C8orf34: variants seen among roughly 807,000 people sequenced by gnomAD.
C8orf34 encodes the protein chromosome 8 open reading frame 34.
Under a neutral mutation model 68.3 loss-of-function variants are expected in C8orf34, and 65 were observed. The ratio of observed to expected loss-of-function variants is 0.95; its 90% confidence interval spans 0.78 to 1.17. C8orf34 has a LOEUF of 1.17. C8orf34 is among the 50% of genes most tolerant of loss of function. C8orf34 has a pLI of 0.00. For synonymous variants in C8orf34, 244 were observed against 241.2 expected (o/e 1.01, Z -0.11); for missense variants, 664 against 655.4 (o/e 1.01, Z -0.14).
chr8:68,665,144 T>G (rs1160172413), intron 8 of C8orf34, among the ~76,000 whole-genome samples: 1 of 152,216 alleles, frequency 6.6e-6, no homozygotes, highest in African/African-American at 2.4e-5. Context: ...AAATTCACAT[T>G]TGTGTAATGA....
At chr8:68,368,605 G>A (rs1807419358) in intron 1 of C8orf34, among the ~76,000 whole-genome samples, 1 of 151,938 alleles carries the variant, frequency 6.6e-6, no homozygotes, top group Non-Finnish European at 1.5e-5. Flanking sequence ...TTTTGTGTTA[G>A]GTACCTTTAT....
chr8:68,461,570 C>A (rs1412994763), intron 3 of C8orf34, among the ~76,000 whole-genome samples: 24 of 152,124 alleles, frequency 1.6e-4, no homozygotes, highest in Admixed American at 1.6e-3. Context: ...AAAGGGGAGC[C>A]CATCAGACTA....
chr8:68,419,167 G>C (rs1809824075), intron 1 of C8orf34, among the ~76,000 whole-genome samples: 2 of 151,994 alleles, frequency 1.3e-5, no homozygotes, highest in Admixed American at 1.3e-4. Context: ...AGTGGGCGAA[G>C]GACATGAACA....
chr8:68,627,709 G>A (rs1445787755), intron 7 of C8orf34, among the ~76,000 whole-genome samples: 1 of 152,178 alleles, frequency 6.6e-6, no homozygotes, highest in Non-Finnish European at 1.5e-5. Context: ...ACCACTCCCA[G>A]ATGTCTTTAT....
chr8:68,333,535 C>T (rs1302746276), intron 1 of C8orf34, among the ~76,000 whole-genome samples: 1 of 152,118 alleles, frequency 6.6e-6, no homozygotes, highest in Non-Finnish European at 1.5e-5. Context: ...TACAATTATA[C>T]GTATTTCACA....
chr8:68,669,132 A>T (rs983623926), intron 8 of C8orf34, among the ~76,000 whole-genome samples: 5 of 152,174 alleles, frequency 3.3e-5, no homozygotes, highest in African/African-American at 1.2e-4. Context: ...CTCACCTTAA[A>T]TATCCATTTC....
intron 6 of C8orf34, among the ~76,000 whole-genome samples, chr8:68,526,432 A>C (rs1814991182): frequency 6.6e-6 from 1 of 152,136 alleles, no homozygotes; most frequent in Non-Finnish European, 1.5e-5. Context: ...AAAATCCTAG[A>C]CTCAAAGGAA....
At chr8:68,534,425 T>G (rs994887706) in intron 7 of C8orf34, 11 of 793,366 alleles carry the variant, frequency 1.4e-5, no homozygotes, top group Non-Finnish European at 1.7e-5. Context: ...AATAAAATCA[T>G]TGTGATCTGT....
intron 6 of C8orf34, among the ~76,000 whole-genome samples, chr8:68,526,152 G>T (rs1814977752): frequency 6.6e-6 from 1 of 151,506 alleles, no homozygotes; most frequent in South Asian, 2.1e-4. Context: ...GTAGAGATGG[G>T]GTTTCACTAT....
chr8:68,451,040 C>T (rs146289202), intron 3 of C8orf34, among the ~76,000 whole-genome samples: 25 of 152,198 alleles, frequency 1.6e-4, no homozygotes, highest in Non-Finnish European at 3.2e-4. Context: ...TAGATCTTCT[C>T]GATTGGTGTG....
chr8:68,355,361 C>A (rs1200278860), intron 1 of C8orf34, among the ~76,000 whole-genome samples: 2 of 152,170 alleles, frequency 1.3e-5, no homozygotes, highest in South Asian at 4.1e-4. Context: ...TCTGCTTGAC[C>A]CTGAGCAAGT....
At chr8:68,342,839 A>G (rs1806126772) in intron 1 of C8orf34, among the ~76,000 whole-genome samples, 1 of 152,308 alleles carries the variant, frequency 6.6e-6, no homozygotes, top group South Asian at 2.1e-4. Context: ...CTGGCAATTC[A>G]GATATGCCAA....
intron 1 of C8orf34, among the ~76,000 whole-genome samples, chr8:68,387,481 C>T (rs934528944): frequency 2.0e-5 from 3 of 151,954 alleles, no homozygotes; most frequent in Admixed American, 6.6e-5. Flanking sequence ...CAAGGATGAT[C>T]CTGAAGTTTC....
chr8:68,703,656 T>G (rs1440325330), intron 8 of C8orf34, among the ~76,000 whole-genome samples: 1 of 152,112 alleles, frequency 6.6e-6, no homozygotes, highest in African/African-American at 2.4e-5. Flanking sequence ...AGCCTATGAA[T>G]AAATGCTTTG....
intron 5 of C8orf34, among the ~76,000 whole-genome samples, chr8:68,496,747 CT>C (rs538756556): frequency 6.6e-6 from 1 of 152,182 alleles, no homozygotes; most frequent in South Asian, 2.1e-4. Flanking sequence ...AGTTTTATTG[CT>C]TTTTTTGGTC....
intron 12 of C8orf34, among the ~76,000 whole-genome samples, chr8:68,794,476 A>AAT (rs1563673874): frequency 9.0e-6 from 1 of 111,668 alleles, no homozygotes; most frequent in African/African-American, 4.7e-5. Flanking sequence ...CCAGTATATA[A>AAT]ATATAAATAT....
At chr8:68,519,335 C>G (rs1481295485) in intron 5 of C8orf34, among the ~76,000 whole-genome samples, 1 of 152,112 alleles carries the variant, frequency 6.6e-6, no homozygotes, top group East Asian at 1.9e-4. Flanking sequence ...AATTAAAATA[C>G]AAATTTCGTA....
chr8:68,484,145 C>T (rs960722934), intron 4 of C8orf34, among the ~76,000 whole-genome samples: 3 of 152,256 alleles, frequency 2.0e-5, no homozygotes, highest in East Asian at 1.9e-4. Flanking sequence ...AGTCAAATGG[C>T]GAAAGCAAAA....
intron 8 of C8orf34, among the ~76,000 whole-genome samples, chr8:68,687,560 G>A (rs1406512971): frequency 2.0e-5 from 3 of 151,836 alleles, no homozygotes; most frequent in Admixed American, 6.6e-5. Context: ...GGCAAGCCAC[G>A]TGTAGAAGAA....
Sources: allele counts gnomAD v4.1 joint callset (sites outside exome capture counted in the v4.1 genomes callset), GRCh38; gene constraint gnomAD v4.1.1; transcripts MANE v1.5; gene names NCBI Gene and HGNC (gene_info 2026-07-23, HGNC 2026-07-21).